The following KCNT1 variants were observed in gnomAD, a reference collection of about 807,000 sequenced individuals.
KCNT1 encodes the protein potassium sodium-activated channel subfamily T member 1.
A neutral mutation model predicts 147.8 loss-of-function variants in KCNT1; 78 were observed. The ratio of observed to expected loss-of-function variants is 0.53; its 90% confidence interval spans 0.44 to 0.64. The LOEUF (loss-of-function observed/expected upper bound fraction) is 0.64, where lower values mean the gene tolerates loss of function less well. KCNT1 is among the 30% of genes least tolerant of loss of function. The probability of loss-of-function intolerance (pLI) is 0.00; values close to 1 mark genes in which losing one functional copy is unlikely to be tolerated. For synonymous variants in KCNT1, 867 were observed against 748.8 expected, an observed-to-expected ratio of 1.16 and a Z score of -2.58; for missense variants, 1,419 against 1,750.3, an observed-to-expected ratio of 0.81 and a Z score of 3.38.
At chr9:135,759,060 G>A (rs996135908) in intron 10 of KCNT1, among the ~76,000 whole-genome samples, 45 of 152,212 alleles carry the variant, frequency 3.0e-4, no homozygotes, top group South Asian at 4.1e-4. Context: ...AGTGCCCTGC[G>A]TTTCCCGCCT....
chr9:135,721,267 G>A (rs1390922203), intron 2 of KCNT1, among the ~76,000 whole-genome samples: 1 of 152,218 alleles, frequency 6.6e-6, no homozygotes, highest in Non-Finnish European at 1.5e-5. Context: ...GCTGAGCTCA[G>A]GGAAACGCCA....
intron 5 of KCNT1, among the ~76,000 whole-genome samples, chr9:135,754,787 G>A (rs551827512): frequency 7.9e-5 from 12 of 152,322 alleles, no homozygotes; most frequent in East Asian, 5.8e-4. Flanking sequence ...GTTGCCTGTC[G>A]TGTCCAGAGA....
rs1400815370 is a variant in KCNT1 at position 135,792,341 on chromosome 9, CT to C, written c.*181del. 2.9e-6 allele frequency: 2 copies of C among 699,352 alleles called. No homozygotes were observed. The highest frequency in any genetic ancestry group is 1.8e-5 in the African/African-American group (1 of 55,342). The allele number at this position is 699,352 out of a possible 1,614,324, so 43.3% of individuals were successfully genotyped here. ...ATGCGGGGGGAGGGCCAGCTCACCC[CT>C]GGGCACCTGCAGGCTAGTGAGGAGA... On this transcript the variant is annotated 3_prime_UTR_variant, in exon 31 of 31. Transcript: ENST00000371757.
intron 29 of KCNT1, chr9:135,788,104 C>A: frequency 6.2e-7 from 1 of 1,607,950 alleles, no homozygotes; most frequent in Non-Finnish European, 8.5e-7. Flanking sequence ...CTGTAGAGGA[C>A]GTAGCAAATT....
At chr9:135,724,402 G>A (rs1333941824) in intron 2 of KCNT1, among the ~76,000 whole-genome samples, 1 of 152,248 alleles carries the variant, frequency 6.6e-6, no homozygotes, top group Non-Finnish European at 1.5e-5. Flanking sequence ...GGCCAACGGG[G>A]GCAGGCACAG....
chr9:135,785,198 C>T (rs944712963), intron 27 of KCNT1, 112 bp from the exon 28 acceptor site: 8 of 1,485,010 alleles, frequency 5.4e-6, no homozygotes, highest in African/African-American at 1.4e-5. Context: ...CACACAGCAG[C>T]AGGCACCGTG....
Position 135,786,461 on chromosome 9 carries a change from G to T in KCNT1, c.3442G>T (p.Glu1148Ter). ...LSLYRRSERQ[E>*]LSELVKNRMK... ...CCTGTACCGGCGCTCTGAGCGCCAGGAGCTCTCCGAGCTGGTGAAGAACCG... is the reference window on the plus strand; with the variant it reads ...CCTGTACCGGCGCTCTGAGCGCCAGTAGCTCTCCGAGCTGGTGAAGAACCG... Residue 1148 changes from glutamate to a stop codon, truncating the protein, a stop_gained, in exon 29 of 31, where the codon GAG becomes TAG. Transcript: ENST00000371757. LOFTEE classifies it high-confidence loss of function. The T allele has an allele frequency of 6.2e-7, 1 of 1,602,194 alleles. No homozygotes were observed. The highest frequency in any genetic ancestry group is 8.5e-7 in the Non-Finnish European group (1 of 1,175,824).
chr9:135,772,132 G>C (rs1179338091), intron 18 of KCNT1, among the ~76,000 whole-genome samples: 2 of 152,184 alleles, frequency 1.3e-5, no homozygotes, highest in African/African-American at 2.4e-5. Flanking sequence ...GAGGCAGGCT[G>C]CTGCTGCCTA....
intron 2 of KCNT1, among the ~76,000 whole-genome samples, chr9:135,732,024 A>AGAGGGAGG (rs1208253390): frequency 1.7e-4 from 11 of 65,084 alleles, no homozygotes; most frequent in Non-Finnish European, 2.9e-4. Context: ...AGAGAGAGAG[A>AGAGGGAGG]GAGAGAGAGA....
intron 5 of KCNT1, 33 bp from the exon 6 acceptor site, chr9:135,755,088 T>C: frequency 6.3e-7 from 1 of 1,583,114 alleles, no homozygotes; most frequent in Non-Finnish European, 8.6e-7. Flanking sequence ...GTGGCTGTGG[T>C]GCCCTACTGT....
chr9:135,769,888 G>A, intron 15 of KCNT1, 59 bp from the exon 16 acceptor site: 1 of 1,269,610 alleles, frequency 7.9e-7, no homozygotes, highest in Non-Finnish European at 1.1e-6. Context: ...AGCAGGTACT[G>A]TGGGGGAGGA....
chr9:135,742,814 G>C, intron 2 of KCNT1: 1 of 717,246 alleles, frequency 1.4e-6, no homozygotes, highest in Non-Finnish European at 2.6e-6. Context: ...CCCTGTCTCA[G>C]TAAGTGCTTT....
At chr9:135,705,190 G>A (rs960392249) in intron 1 of KCNT1, among the ~76,000 whole-genome samples, 1 of 152,202 alleles carries the variant, frequency 6.6e-6, no homozygotes. Context: ...GGAGGGTGTT[G>A]GGGGGCATCT....
intron 29 of KCNT1, among the ~76,000 whole-genome samples, chr9:135,788,583 G>A (rs1361953996): frequency 6.6e-6 from 1 of 152,230 alleles, no homozygotes; most frequent in African/African-American, 2.4e-5. Flanking sequence ...TCTGCTCTCA[G>A]GAAGCACCCA....
chr9:135,716,470 A>G (rs1835726199), intron 2 of KCNT1, among the ~76,000 whole-genome samples: 1 of 152,170 alleles, frequency 6.6e-6, no homozygotes, highest in South Asian at 2.1e-4. Flanking sequence ...TTGTGGTAAA[A>G]TACATAAAAC....
At position 135,782,002 on chromosome 9, in the gene KCNT1, T is replaced by TCAGGAGTTCGAGACCAGGC. The variant is rs1392632109; in HGVS notation, c.2842-2021_2842-2003dup. ...GCTAAGGCGGACGGATCACCTGAGG[T>TCAGGAGTTCGAGACCAGGC]CAGGAGTTCGAGACCAGGCTGGCCA... On this transcript the variant is annotated intron_variant, in intron 24 of 30. Transcript: ENST00000371757. Among the ~76,000 whole-genome samples the TCAGGAGTTCGAGACCAGGC allele has an allele frequency of 1.8e-4, 28 of 152,158 alleles. 1 individual carries two copies. In the East Asian group the frequency reaches 5.4e-3, roughly 29 times the overall value.
At chr9:135,713,096 G>A (rs1324183038) in intron 1 of KCNT1, among the ~76,000 whole-genome samples, 1 of 152,204 alleles carries the variant, frequency 6.6e-6, no homozygotes, top group Non-Finnish European at 1.5e-5. Context: ...CAGACGGGGT[G>A]GGGACGGGAG....
At chr9:135,727,437 C>CT (rs1564324681) in intron 2 of KCNT1, among the ~76,000 whole-genome samples, 101 of 136,252 alleles carry the variant, frequency 7.4e-4, no homozygotes, top group Admixed American at 9.0e-4. Flanking sequence ...CCCCCCTCTC[C>CT]CTCTCTCTCT....
rs961427317 is a variant in KCNT1, at chr9:135,730,488, C to G, written c.254+15768C>G. Among the ~76,000 whole-genome samples the G allele has an allele frequency of 2.6e-5, 4 of 152,114 alleles. No homozygotes were observed. Among genetic ancestry groups the G allele is most frequent in the Admixed American group, 2.6e-4 (4 of 15,278 alleles). On this transcript the variant is annotated intron_variant, in intron 2 of 30. Coordinates refer to ENST00000371757, the MANE Select transcript of KCNT1 (RefSeq NM_020822.3). The surrounding 1 kb of genome is among the most constrained non-coding windows in gnomAD (Gnocchi z 4.7). Reference sequence around the variant, plus strand: ...ATCACAGATTCCTAGGGGAGGGAGGCAGAGGTTCAGAGTCGCTGGAGAAGG... The same window carrying G: ...ATCACAGATTCCTAGGGGAGGGAGGGAGAGGTTCAGAGTCGCTGGAGAAGG...
Sources: allele counts gnomAD v4.1 joint callset (sites outside exome capture counted in the v4.1 genomes callset), GRCh38; gene constraint gnomAD v4.1.1; non-coding constraint Gnocchi (gnomAD v3.1); transcripts MANE v1.5; gene names NCBI Gene and HGNC (gene_info 2026-07-23, HGNC 2026-07-21).